Variants in RIC3 observed in about 807,000 individuals in gnomAD.
The protein encoded by RIC3 is protein RIC-3.
Under a neutral mutation model 27.3 loss-of-function variants are expected in RIC3, and 28 were observed. That is an observed-to-expected ratio of 1.02 (90% CI 0.76 to 1.41). The LOEUF (loss-of-function observed/expected upper bound fraction) is 1.41, where lower values mean the gene tolerates loss of function less well. Ranked by LOEUF, RIC3 falls within the 40% of genes most tolerant of loss-of-function variation. The pLI is 0.00. For synonymous variants in RIC3, 184 were observed against 160.4 expected (o/e 1.15, Z -1.11); for missense variants, 501 against 444.7 (o/e 1.13, Z -1.14).
intron 1 of RIC3, among the ~76,000 whole-genome samples, chr11:8,151,222 A>T (rs10839982): frequency 0.26 from 39,132 of 152,046 alleles, 5,121 homozygotes; most frequent in East Asian, 0.44. Flanking sequence ...GTGGGAGAAA[A>T]TATTTGCTAA....
intron 1 of RIC3, among the ~76,000 whole-genome samples, chr11:8,156,892 C>T (rs926502406): frequency 2.0e-5 from 3 of 152,094 alleles, no homozygotes; most frequent in African/African-American, 4.8e-5. Context: ...TTAAATGAAC[C>T]GGGAAACAAA....
intron 1 of RIC3, among the ~76,000 whole-genome samples, chr11:8,147,280 T>A (rs1286970468): frequency 1.3e-5 from 2 of 152,210 alleles, no homozygotes. Flanking sequence ...CTGACCACCC[T>A]GGGCACATGT....
chr11:8,160,872 G>C (rs1049044978), intron 1 of RIC3, among the ~76,000 whole-genome samples: 3 of 152,164 alleles, frequency 2.0e-5, no homozygotes, highest in Non-Finnish European at 2.9e-5. Context: ...CTGAAGAAAG[G>C]GACATAATAC....
At chr11:8,101,850 T>TAATGAC, downstream of RIC3, 1 of 482,834 alleles carries the variant, frequency 2.1e-6, no homozygotes, top group Non-Finnish European at 3.4e-6. Flanking sequence ...GAATAATTCT[T>TAATGAC]TCCATGCCAC....
At chr11:8,165,236 C>T (rs532831605) in intron 1 of RIC3, among the ~76,000 whole-genome samples, 1 of 152,176 alleles carries the variant, frequency 6.6e-6, no homozygotes, top group South Asian at 2.1e-4. Flanking sequence ...AAAATTTGTA[C>T]ACAGATATCA....
chr11:8,150,679 A>G (rs941051705), intron 1 of RIC3, among the ~76,000 whole-genome samples: 1 of 152,228 alleles, frequency 6.6e-6, no homozygotes, highest in African/African-American at 2.4e-5. Flanking sequence ...AAAGATGACT[A>G]GAAACAAACT....
chr11:8,146,376 C>T (rs1402820325), intron 1 of RIC3, among the ~76,000 whole-genome samples: 1 of 152,098 alleles, frequency 6.6e-6, no homozygotes, highest in Non-Finnish European at 1.5e-5. Flanking sequence ...TAAACATAAA[C>T]ACATCAGAGT....
At chr11:8,112,764 A>G (rs1945420013) in intron 5 of RIC3, among the ~76,000 whole-genome samples, 1 of 152,218 alleles carries the variant, frequency 6.6e-6, no homozygotes, top group South Asian at 2.1e-4. Context: ...CATAACTGAC[A>G]TGATTTACTA....
At chr11:8,096,040 C>T in the RIC3 span, among the ~76,000 whole-genome samples, 1 of 152,206 alleles carries the variant, frequency 6.6e-6, no homozygotes, top group Admixed American at 6.5e-5. Context: ...GCCCCTGGTG[C>T]AGGGTGGCAG....
At chr11:8,141,500 C>T (rs1382066665) in intron 1 of RIC3, among the ~76,000 whole-genome samples, 1 of 151,886 alleles carries the variant, frequency 6.6e-6, no homozygotes, top group Non-Finnish European at 1.5e-5. Context: ...TATATGCACC[C>T]AATACAGGAG....
At chr11:8,149,902 A>G (rs1346888084) in intron 1 of RIC3, among the ~76,000 whole-genome samples, 1 of 152,154 alleles carries the variant, frequency 6.6e-6, no homozygotes, top group Non-Finnish European at 1.5e-5. Flanking sequence ...TTTGCCTGAT[A>G]AGAGACTACC....
intron 2 of RIC3, 85 bp from the exon 3 acceptor site, chr11:8,138,432 T>G: frequency 2.5e-6 from 2 of 791,040 alleles, no homozygotes; most frequent in Non-Finnish European, 4.1e-6. Context: ...AAAAAAAAGG[T>G]TGGGAAACAA....
intron 4 of RIC3, among the ~76,000 whole-genome samples, chr11:8,136,349 G>A (rs1948420457): frequency 6.6e-6 from 1 of 152,306 alleles, no homozygotes; most frequent in East Asian, 1.9e-4. Flanking sequence ...AGATGCAGGA[G>A]GGACATTTCA....
rs914155982 is a variant in RIC3, at chr11:8,137,381, T to C, written c.518A>G (p.Glu173Gly). The C allele has an allele frequency of 6.2e-7, 1 of 1,613,138 alleles. No individual in the cohort carries two copies. Among genetic ancestry groups the C allele is most frequent in the Non-Finnish European group, 8.5e-7 (1 of 1,179,250 alleles). The change falls in exon 4 of 6, where the codon GAG (glutamate) becomes GGG (glycine). Residue 173 changes from glutamate (E) to glycine (G), a missense_variant. Physicochemically the swap from Glu to Gly is moderately conservative, Grantham distance 98. Transcript: ENST00000309737. ...KLINRVGPNG[E>G]SRAQTVTSDQ... ...GTCCCGTTACATGAAAACCTACCTC[T>C]CACCATTAGGTCCCACTCTGTTGAT...
At chr11:8,093,163 GA>G in the RIC3 span, among the ~76,000 whole-genome samples, 4 of 152,042 alleles carry the variant, frequency 2.6e-5, no homozygotes, top group African/African-American at 7.2e-5. Context: ...CACCTGCTCT[GA>G]CGAGGGAGGC....
At chr11:8,104,788 A>AGAGGAAGCACATAATGTCCAGATCT (rs1280714846), downstream of RIC3, 2 of 152,218 alleles carry the variant, frequency 1.3e-5, no homozygotes, top group African/African-American at 4.8e-5. Context: ...ACACTAGTTC[A>AGAGGAAGCACATAATGTCCAGATCT]GAGGAAGCAC....
rs147803474 is a variant in RIC3 at position 8,153,650 on chromosome 11, A to G, written c.125-13457T>C. Among the ~76,000 whole-genome samples the G allele has an allele frequency of 6.4e-3, 978 of 152,120 alleles. 22 individuals carry two copies. The highest frequency in any genetic ancestry group is 0.051 in the Admixed American group (780 of 15,260). ...CTGTTCTTTCTTTATACTTTCCTTC[A>G]GCAAACTCATTTATTCAAGGAATAC... On this transcript the variant is annotated intron_variant, in intron 1 of 5. Coordinates refer to ENST00000309737, the MANE Select transcript of RIC3 (RefSeq NM_001206671.4).
At chr11:8,163,049 ACATACACACACACACACACC>A (rs1269081848) in intron 1 of RIC3, among the ~76,000 whole-genome samples, 3 of 129,552 alleles carry the variant, frequency 2.3e-5, no homozygotes, top group East Asian at 2.2e-4. Context: ...ACACACACAC[ACATACACACACACACACACC>A]CCCCAAAACA....
chr11:8,117,847 A>G (rs1294761649), intron 5 of RIC3, among the ~76,000 whole-genome samples: 1 of 152,088 alleles, frequency 6.6e-6, no homozygotes, highest in Non-Finnish European at 1.5e-5. Flanking sequence ...TAAAAGAGGA[A>G]GAGGCCCACT....
Sources: allele counts gnomAD v4.1 joint callset (sites outside exome capture counted in the v4.1 genomes callset), GRCh38; gene constraint gnomAD v4.1.1; transcripts MANE v1.5; gene names NCBI Gene and HGNC (gene_info 2026-07-23, HGNC 2026-07-21).